The following SEMA3D variants were observed in gnomAD, a reference collection of about 807,000 sequenced individuals.
SEMA3D encodes semaphorin 3D.
In SEMA3D, 84 loss-of-function variants were observed where a neutral mutation model predicts 100.1. That is an observed-to-expected ratio of 0.84 (90% CI 0.70 to 1.01). The LOEUF is 1.01. Ranked by LOEUF, SEMA3D falls within the 50% of genes least tolerant of loss-of-function variation. SEMA3D has a pLI of 0.00. For synonymous variants in SEMA3D, 312 were observed against 320.7 expected, an observed-to-expected ratio of 0.97 and a Z score of 0.29; for missense variants, 875 against 934.1, an observed-to-expected ratio of 0.94 and a Z score of 0.82.
Position 85,144,653 on chromosome 7 carries a change from T to A in SEMA3D, c.-41+8955A>T, listed in dbSNP as rs1201678920. The stretch of plus-strand genomic sequence containing the variant: ...TTCCTTTGGGAACTGGCCTGCAATA[T>A]CCAACATTTAAGTCAGCCTGGAGCC... On this transcript the variant is annotated intron_variant, in intron 2 of 18. Coordinates refer to ENST00000284136, the MANE Select transcript of SEMA3D (RefSeq NM_001384900.1). The A allele has an allele frequency of 5.1e-6, 5 of 985,094 alleles. No homozygotes were observed. In the East Asian group the frequency reaches 5.7e-4, roughly 112 times the overall value. 61.0% of individuals were successfully genotyped at this position (985,094 alleles called of 1,614,324 possible). A position where few individuals can be genotyped will look rare whatever the true frequency, so the allele number is the denominator to read the frequency against.
chr7:85,109,619 G>A (rs1789032707), intron 3 of SEMA3D, among the ~76,000 whole-genome samples: 1 of 151,952 alleles, frequency 6.6e-6, no homozygotes, highest in African/African-American at 2.4e-5. Context: ...AAAGCAGTAT[G>A]TTTAAAGGAT....
At chr7:85,101,817 G>A (rs183093619) in intron 3 of SEMA3D, among the ~76,000 whole-genome samples, 1 of 151,996 alleles carries the variant, frequency 6.6e-6, no homozygotes, top group Admixed American at 6.6e-5. Flanking sequence ...AATAAATATT[G>A]TTTTGAGTAT....
chr7:85,056,094 A>G (rs1056649420), intron 8 of SEMA3D, among the ~76,000 whole-genome samples: 4 of 152,110 alleles, frequency 2.6e-5, no homozygotes, highest in African/African-American at 4.8e-5. Context: ...AGGTGAGAAC[A>G]TGACTAGACT....
intron 5 of SEMA3D, 125 bp from the exon 6 acceptor site, chr7:85,073,206 A>G: frequency 1.1e-6 from 1 of 882,668 alleles, no homozygotes. Context: ...AAAAAGATTT[A>G]TGAGAAATTC....
At chr7:85,066,373 G>A (rs934568915) in intron 7 of SEMA3D, among the ~76,000 whole-genome samples, 2 of 151,810 alleles carry the variant, frequency 1.3e-5, no homozygotes, top group African/African-American at 4.8e-5. Flanking sequence ...GCAGGAGAAG[G>A]GGAGGACAAA....
At chr7:85,237,059 G>C in the SEMA3D span, among the ~76,000 whole-genome samples, 1 of 152,090 alleles carries the variant, frequency 6.6e-6, no homozygotes, top group East Asian at 1.9e-4. Context: ...AAATTCATTG[G>C]AATTATTCAG....
At chr7:85,183,970 A>G (rs553756574) in intron 1 of SEMA3D, among the ~76,000 whole-genome samples, 124 of 152,300 alleles carry the variant, frequency 8.1e-4, no homozygotes, top group African/African-American at 2.9e-3. Flanking sequence ...TTTCTGTTTG[A>G]TAAATTCTTT....
the SEMA3D span, among the ~76,000 whole-genome samples, chr7:85,201,732 T>C: frequency 3.3e-5 from 5 of 152,010 alleles, 1 homozygote; most frequent in East Asian, 7.7e-4. Flanking sequence ...CTATTTATTT[T>C]TTCAGAGAGG....
the SEMA3D span, among the ~76,000 whole-genome samples, chr7:85,210,715 T>C: frequency 6.6e-6 from 1 of 152,062 alleles, no homozygotes; most frequent in African/African-American, 2.4e-5. Context: ...GTTTATCTAT[T>C]GTAGAGTAAC....
At chr7:85,008,526 T>TAC (rs1175204425) in intron 17 of SEMA3D, among the ~76,000 whole-genome samples, 3 of 151,476 alleles carry the variant, frequency 2.0e-5, no homozygotes, top group Admixed American at 1.3e-4. Flanking sequence ...TATATACACA[T>TAC]ACACACACAC....
At chr7:85,220,231 T>G in the SEMA3D span, among the ~76,000 whole-genome samples, 1 of 152,068 alleles carries the variant, frequency 6.6e-6, no homozygotes. Context: ...CAATTCATTC[T>G]GTCACTGACA....
At chr7:85,037,986 A>G (rs1308575666) in intron 11 of SEMA3D, among the ~76,000 whole-genome samples, 1 of 147,470 alleles carries the variant, frequency 6.8e-6, no homozygotes, top group East Asian at 2.1e-4. Context: ...AATAGGTGGG[A>G]ATTGAACAAT....
chr7:85,139,073 A>AG (rs1007438585), intron 2 of SEMA3D, among the ~76,000 whole-genome samples: 10 of 152,106 alleles, frequency 6.6e-5, no homozygotes, highest in African/African-American at 2.2e-4. Context: ...GAGATTGCCA[A>AG]GGGAAGAAAT....
chr7:85,117,181 C>A (rs1175717896), intron 3 of SEMA3D, among the ~76,000 whole-genome samples: 3 of 152,134 alleles, frequency 2.0e-5, no homozygotes, highest in Admixed American at 1.3e-4. Flanking sequence ...CAAGCCCAAA[C>A]TACCGAAGTG....
chr7:85,200,759 C>A, the SEMA3D span, among the ~76,000 whole-genome samples: 3 of 152,174 alleles, frequency 2.0e-5, no homozygotes, highest in African/African-American at 7.2e-5. Flanking sequence ...TTCAGGGCAG[C>A]CCCTCCCATC....
At chr7:85,126,404 C>CGT (rs374819280) in intron 2 of SEMA3D, among the ~76,000 whole-genome samples, 2,032 of 134,116 alleles carry the variant, frequency 0.015, 23 homozygotes, top group African/African-American at 0.031. Context: ...GTGTGTGTGT[C>CGT]GTGTGTGTGT....
intron 12 of SEMA3D, among the ~76,000 whole-genome samples, chr7:85,031,042 A>G (rs1465269017): frequency 6.6e-6 from 1 of 152,028 alleles, no homozygotes; most frequent in African/African-American, 2.4e-5. Context: ...ATTCTATAAT[A>G]TATCCTTTTG....
At chr7:85,135,972 C>G (rs892480838) in intron 2 of SEMA3D, among the ~76,000 whole-genome samples, 22 of 151,926 alleles carry the variant, frequency 1.4e-4, no homozygotes, top group African/African-American at 5.1e-4. Flanking sequence ...ATACAATTCC[C>G]ACATTTATAG....
At chr7:85,194,798 T>A in the SEMA3D span, among the ~76,000 whole-genome samples, 1 of 152,206 alleles carries the variant, frequency 6.6e-6, no homozygotes, top group Non-Finnish European at 1.5e-5. Context: ...TAGTTTATTC[T>A]AAGTTCTTTC....
Sources: gnomAD v4.1 joint callset for allele counts (sites outside exome capture counted in the v4.1 genomes callset) on GRCh38, gnomAD v4.1.1 for gene constraint, MANE v1.5 for transcripts, NCBI Gene and HGNC (gene_info 2026-07-23, HGNC 2026-07-21) for gene names.